PCDH15: variants seen among roughly 807,000 people sequenced by gnomAD.
PCDH15 encodes the protein protocadherin-15.
Under a neutral mutation model 178.5 loss-of-function variants are expected in PCDH15, and 129 were observed. That is an observed-to-expected ratio of 0.72 (90% confidence interval 0.63 to 0.84). The LOEUF (loss-of-function observed/expected upper bound fraction) is 0.84. PCDH15 is among the 40% of genes least tolerant of loss of function. PCDH15 has a pLI of 0.00. For missense variants in PCDH15, 2,230 were observed against 2,099.9 expected, an observed-to-expected ratio of 1.06 and a Z score of -1.21; for synonymous variants, 800 against 732.0, an observed-to-expected ratio of 1.09 and a Z score of -1.50.
chr10:55,165,177 T>C (rs566281628), intron 2 of PCDH15, among the ~76,000 whole-genome samples: 23 of 152,234 alleles, frequency 1.5e-4, no homozygotes, highest in African/African-American at 5.5e-4. Context: ...ATTCGTTTCA[T>C]GATTTTGTAT....
rs139456301 is a variant in PCDH15 at position 55,190,225 on chromosome 10, G to T, written c.-155-23574C>A. Among the ~76,000 whole-genome samples, 965 of 151,170 alleles carry T rather than the reference G, an allele frequency of 6.4e-3. 16 individuals are homozygous for T. Among genetic ancestry groups the T allele is most frequent in the African/African-American group, 0.022 (929 of 41,300 alleles). The stretch of plus-strand genomic sequence containing the variant: ...ATTTATGGCAATGACAGTCAGAATA[G>T]TGTTACATATTGGAGTGTCATATTG... On this transcript the variant is annotated intron_variant, in intron 1 of 5. Transcript: ENST00000458638.
intron 35 of PCDH15, 56 bp from the exon 36 acceptor site, chr10:53,811,675 T>C: frequency 8.7e-7 from 1 of 1,149,878 alleles, no homozygotes. Context: ...ACGTTTCAGG[T>C]CAAAGTCAGA....
intron 2 of PCDH15, among the ~76,000 whole-genome samples, chr10:55,040,535 A>G (rs1356313859): frequency 2.0e-5 from 3 of 148,780 alleles, no homozygotes; most frequent in Admixed American, 1.3e-4. Context: ...AAAACACAGG[A>G]GGCAAGAAAG....
intron 14 of PCDH15, among the ~76,000 whole-genome samples, chr10:54,148,491 G>T (rs1819152716): frequency 6.6e-6 from 1 of 151,896 alleles, no homozygotes; most frequent in Middle Eastern, 3.2e-3. Context: ...GACAAAAAAA[G>T]TCTGCGCATG....
intron 1 of PCDH15, among the ~76,000 whole-genome samples, chr10:55,299,407 A>G (rs1843213415): frequency 6.6e-6 from 1 of 152,204 alleles, no homozygotes; most frequent in Admixed American, 6.5e-5. Flanking sequence ...AACTCCCCAC[A>G]TCTTACGTTA....
intron 1 of PCDH15, among the ~76,000 whole-genome samples, chr10:54,679,771 A>T (rs921953477): frequency 1.3e-5 from 2 of 152,202 alleles, no homozygotes; most frequent in African/African-American, 4.8e-5. Context: ...GAAGTAAAAT[A>T]ATGCCACAAA....
chr10:54,471,262 GGAA>G (rs2077900485), intron 3 of PCDH15, among the ~76,000 whole-genome samples: 1 of 151,974 alleles, frequency 6.6e-6, no homozygotes, highest in Non-Finnish European at 1.5e-5. Flanking sequence ...CCAAGGAGGA[GGAA>G]GAAGAACAGG....
chr10:55,087,054 C>G lies in PCDH15; in HGVS notation c.-80+79522G>C, dbSNP rs578015475. Among the ~76,000 whole-genome samples, 5 of 152,164 alleles carry G rather than the reference C, an allele frequency of 3.3e-5. No individual in the cohort carries two copies. In the East Asian group the frequency reaches 9.7e-4, roughly 29 times the overall value. On this transcript the variant is annotated intron_variant, in intron 2 of 5. Transcript: ENST00000458638. ...TTACAAACCAAAAGAAAGCTACTCT[C>G]TCAAGTATTTAAGATATTGCTTGGT...
At chr10:54,512,482 TA>T (rs2081797768) in intron 3 of PCDH15, among the ~76,000 whole-genome samples, 1 of 151,586 alleles carries the variant, frequency 6.6e-6, no homozygotes, top group African/African-American at 2.4e-5. Context: ...AAAATGGCAT[TA>T]CATTTCATTT....
chr10:54,624,667 C>T (rs1215105972), intron 2 of PCDH15, among the ~76,000 whole-genome samples: 1 of 152,184 alleles, frequency 6.6e-6, no homozygotes, highest in Non-Finnish European at 1.5e-5. Flanking sequence ...GTGAGCAAGT[C>T]TAAGTAACAC....
At chr10:54,903,569 T>G (rs918453237) in intron 2 of PCDH15, among the ~76,000 whole-genome samples, 24 of 147,382 alleles carry the variant, frequency 1.6e-4, no homozygotes, top group African/African-American at 5.4e-4. Context: ...TTTTTTGCCA[T>G]GTTTTTTTTT....
intron 1 of PCDH15, among the ~76,000 whole-genome samples, chr10:55,223,176 T>C (rs1840933307): frequency 6.6e-6 from 1 of 152,090 alleles, no homozygotes; most frequent in Non-Finnish European, 1.5e-5. Flanking sequence ...ATTTAATTTG[T>C]TTAAATAGCC....
rs73238446 is a variant in PCDH15 at position 53,841,975 on chromosome 10, G to T, written c.3807-1479C>A. On this transcript the variant is annotated intron_variant, in intron 28 of 37. Transcript: ENST00000644397. ...AAAAAAAAAAAAAAAACAACCCCGG[G>T]AACCTGAAGATAATGGATGTACTGA... 5.2e-3 allele frequency among the ~76,000 whole-genome samples: 788 copies of T among 150,700 alleles called. 9 individuals are homozygous for T. The highest frequency in any genetic ancestry group is 0.018 in the African/African-American group (741 of 41,092).
At chr10:53,855,072 T>C (rs934050115) in intron 28 of PCDH15, among the ~76,000 whole-genome samples, 30 of 152,178 alleles carry the variant, frequency 2.0e-4, no homozygotes, top group African/African-American at 6.5e-4. Flanking sequence ...GAAAATGGCA[T>C]CATGATTTGC....
intron 18 of PCDH15, among the ~76,000 whole-genome samples, chr10:54,036,804 C>A (rs960045403): frequency 1.3e-5 from 2 of 151,854 alleles, no homozygotes; most frequent in Non-Finnish European, 2.9e-5. Context: ...AGTTATTCCT[C>A]TGATGGATCT....
intron 1 of PCDH15, among the ~76,000 whole-genome samples, chr10:54,785,769 T>C (rs1181212731): frequency 6.6e-6 from 1 of 152,002 alleles, no homozygotes; most frequent in Non-Finnish European, 1.5e-5. Flanking sequence ...TTTACCGTCA[T>C]CTGTTTCTGC....
intron 1 of PCDH15, among the ~76,000 whole-genome samples, chr10:55,174,953 AT>A (rs2132127367): frequency 6.6e-6 from 1 of 152,296 alleles, no homozygotes; most frequent in African/African-American, 2.4e-5. Flanking sequence ...TAACCCAAGC[AT>A]TTGAAATCTC....
intron 1 of PCDH15, among the ~76,000 whole-genome samples, chr10:55,312,915 C>A (rs1429877889): frequency 6.6e-6 from 1 of 152,066 alleles, no homozygotes; most frequent in Non-Finnish European, 1.5e-5. Context: ...CTGCGCCCTG[C>A]CAGGAATAGA....
chr10:54,044,246 A>G (rs2093611925), intron 18 of PCDH15, among the ~76,000 whole-genome samples: 1 of 152,076 alleles, frequency 6.6e-6, no homozygotes, highest in African/African-American at 2.4e-5. Flanking sequence ...TTATTCCCCA[A>G]AGGTTGTGAA....
Sources: gnomAD v4.1 joint callset for allele counts (sites outside exome capture counted in the v4.1 genomes callset) on GRCh38, gnomAD v4.1.1 for gene constraint, MANE v1.5 for transcripts, NCBI Gene and HGNC (gene_info 2026-07-23, HGNC 2026-07-21) for gene names.